The following SYT1 variants were observed in gnomAD, a reference collection of about 807,000 sequenced individuals.
SYT1 encodes synaptotagmin 1.
In SYT1, 8 loss-of-function variants were observed where a neutral mutation model predicts 44.8. The ratio of observed to expected loss-of-function variants is 0.18; its 90% CI spans 0.10 to 0.32. The LOEUF (loss-of-function observed/expected upper bound fraction) is 0.32. SYT1 is among the 10% of genes least tolerant of loss of function. The pLI, the probability that SYT1 is intolerant of heterozygous loss-of-function variation, is 1.00. For synonymous variants in SYT1, 154 were observed against 188.8 expected, an observed-to-expected ratio of 0.82 and a Z score of 1.51; for missense variants, 286 against 509.3, an observed-to-expected ratio of 0.56 and a Z score of 4.22.
intron 8 of SYT1, among the ~76,000 whole-genome samples, chr12:79,312,094 T>C (rs1477865846): frequency 1.3e-5 from 2 of 152,108 alleles, no homozygotes; most frequent in Non-Finnish European, 2.9e-5. Flanking sequence ...AATGTTTTTT[T>C]GTGGATTCTT....
At chr12:79,382,603 A>G (rs1884271305) in intron 9 of SYT1, among the ~76,000 whole-genome samples, 1 of 152,166 alleles carries the variant, frequency 6.6e-6, no homozygotes, top group Non-Finnish European at 1.5e-5. Flanking sequence ...GAAAAACTAA[A>G]TGAAGCTTTT....
At chr12:79,169,101 G>T (rs1479629974) in intron 3 of SYT1, among the ~76,000 whole-genome samples, 2 of 151,988 alleles carry the variant, frequency 1.3e-5, no homozygotes, top group Non-Finnish European at 2.9e-5. Flanking sequence ...GGAAGTCTGT[G>T]ATTTTCTCCA....
chr12:79,373,107 ATC>A (rs772353222), intron 9 of SYT1, among the ~76,000 whole-genome samples: 3 of 152,336 alleles, frequency 2.0e-5, no homozygotes, highest in Non-Finnish European at 4.4e-5. Flanking sequence ...TCAAAATTAT[ATC>A]TCTTTTCATC....
intron 8 of SYT1, among the ~76,000 whole-genome samples, chr12:79,344,966 C>T (rs1391316396): frequency 1.3e-5 from 2 of 152,152 alleles, no homozygotes; most frequent in Non-Finnish European, 2.9e-5. Flanking sequence ...ATGAATTTTA[C>T]ACTTACAGAA....
Position 78,951,465 on chromosome 12 carries a change from G to C in SYT1, c.-216-26334G>C, listed in dbSNP as rs189729769. Reference sequence around the variant, plus strand: ...ATGTCGACTATAAGGTGAAAATATAGTCCAAAGTTCATTTTGAGTTATAAT... The same window carrying C: ...ATGTCGACTATAAGGTGAAAATATACTCCAAAGTTCATTTTGAGTTATAAT... On this transcript the variant is annotated intron_variant, in intron 1 of 10. Coordinates refer to ENST00000261205, the MANE Select transcript of SYT1 (RefSeq NM_005639.3). 2.6e-3 allele frequency among the ~76,000 whole-genome samples: 396 copies of C among 152,216 alleles called. 1 individual carries two copies. Among genetic ancestry groups the C allele is most frequent in the African/African-American group, 9.1e-3 (379 of 41,544 alleles).
intron 3 of SYT1, among the ~76,000 whole-genome samples, chr12:79,060,132 G>C (rs1875266468): frequency 6.6e-6 from 1 of 152,054 alleles, no homozygotes; most frequent in South Asian, 2.1e-4. Flanking sequence ...CTCAATGCTG[G>C]TTGAACCAAA....
chr12:79,213,229 G>A (rs1874570396), intron 3 of SYT1, among the ~76,000 whole-genome samples: 1 of 152,092 alleles, frequency 6.6e-6, no homozygotes, highest in African/African-American at 2.4e-5. Context: ...ATAATATCTA[G>A]GCAGACAGAG....
At chr12:79,173,926 T>G (rs533592792) in intron 3 of SYT1, among the ~76,000 whole-genome samples, 1 of 152,074 alleles carries the variant, frequency 6.6e-6, no homozygotes, top group African/African-American at 2.4e-5. Context: ...ATGAAAGTAG[T>G]GTATCATTAC....
At chr12:79,140,750 A>G (rs548889862) in intron 3 of SYT1, among the ~76,000 whole-genome samples, 14 of 152,304 alleles carry the variant, frequency 9.2e-5, no homozygotes, top group African/African-American at 3.1e-4. Flanking sequence ...TTAATATTAT[A>G]CTGCATCCTG....
chr12:79,157,640 T>C (rs1028023536), intron 3 of SYT1, among the ~76,000 whole-genome samples: 2 of 152,172 alleles, frequency 1.3e-5, no homozygotes, highest in Non-Finnish European at 2.9e-5. Flanking sequence ...AGGAACTAGA[T>C]TGGGTATTAA....
intron 3 of SYT1, among the ~76,000 whole-genome samples, chr12:79,152,515 T>C (rs1381143591): frequency 6.6e-6 from 1 of 152,080 alleles, no homozygotes; most frequent in Non-Finnish European, 1.5e-5. Flanking sequence ...TGAAGGGAAA[T>C]GTATGAGAGA....
intron 3 of SYT1, among the ~76,000 whole-genome samples, chr12:79,067,125 A>G (rs1875925891): frequency 6.6e-6 from 1 of 152,184 alleles, no homozygotes; most frequent in Admixed American, 6.6e-5. Context: ...ATTCTCCCCC[A>G]GCTTACAAAA....
At chr12:79,000,906 C>T (rs940616578) in intron 2 of SYT1, among the ~76,000 whole-genome samples, 6 of 152,036 alleles carry the variant, frequency 3.9e-5, no homozygotes, top group Admixed American at 1.3e-4. Flanking sequence ...AATTTAAATT[C>T]CCCCAAATAT....
chr12:79,381,774 TGA>T (rs1299261647), intron 9 of SYT1, among the ~76,000 whole-genome samples: 1 of 152,198 alleles, frequency 6.6e-6, no homozygotes, highest in Non-Finnish European at 1.5e-5. Context: ...ATGCAGAGAA[TGA>T]GCAGCTTTTA....
chr12:79,310,544 C>T (rs547546190), intron 8 of SYT1, among the ~76,000 whole-genome samples: 103 of 152,236 alleles, frequency 6.8e-4, no homozygotes, highest in Non-Finnish European at 1.3e-3. Flanking sequence ...TTTTCCAATT[C>T]TGTGAAGAAA....
rs79637047 is a variant in SYT1 at position 79,142,200 on chromosome 12, C to A, written c.-17-75303C>A. On this transcript the variant is annotated intron_variant, in intron 3 of 10. Transcript: ENST00000261205. ...GACCAGAGTTATACCTGGGGACTCACAGCTCACTCATATTACAGCACACCT... is the reference window on the plus strand; with the variant it reads ...GACCAGAGTTATACCTGGGGACTCAAAGCTCACTCATATTACAGCACACCT... Among the ~76,000 whole-genome samples, 1,412 of 152,330 alleles carry A rather than the reference C, an allele frequency of 9.3e-3. 54 individuals are homozygous for A. The highest frequency in any genetic ancestry group is 0.066 in the East Asian group (340 of 5,188).
chr12:79,027,664 A>AT (rs938026176), intron 2 of SYT1, among the ~76,000 whole-genome samples: 17 of 151,398 alleles, frequency 1.1e-4, no homozygotes, highest in Non-Finnish European at 2.4e-4. Flanking sequence ...AAAAAAATTC[A>AT]TTTTTTTCCC....
chr12:79,243,455 TTAAAA>T (rs1876633442), intron 4 of SYT1, among the ~76,000 whole-genome samples: 1 of 152,208 alleles, frequency 6.6e-6, no homozygotes, highest in African/African-American at 2.4e-5. Flanking sequence ...TGTTTATGTA[TTAAAA>T]TAAATTCTAA....
Position 79,339,118 on chromosome 12 carries a change from G to A in SYT1, c.811-14384G>A, listed in dbSNP as rs549940068. Among the ~76,000 whole-genome samples the A allele has an allele frequency of 1.3e-5, 2 of 152,216 alleles. 1 individual carries two copies. Among genetic ancestry groups the A allele is most frequent in the South Asian group, 4.1e-4 (2 of 4,826 alleles). ...AGTCTTTGCTATTGTGAATAGTGCT[G>A]CAATAAACATACGTGTGCATGTGTC... On this transcript the variant is annotated intron_variant, in intron 8 of 10. Coordinates refer to ENST00000261205, the MANE Select transcript of SYT1 (RefSeq NM_005639.3).
Sources: allele counts gnomAD v4.1 joint callset (sites outside exome capture counted in the v4.1 genomes callset), GRCh38; gene constraint gnomAD v4.1.1; transcripts MANE v1.5; gene names NCBI Gene and HGNC (gene_info 2026-07-23, HGNC 2026-07-21).